Variants in KCNN3 observed in about 807,000 individuals in gnomAD.
KCNN3 encodes the protein potassium calcium-activated channel subfamily N member 3.
A neutral mutation model predicts 62.9 loss-of-function variants in KCNN3; 16 were observed. That is an observed-to-expected ratio of 0.25 (90% CI 0.17 to 0.39). KCNN3 has a LOEUF of 0.39. Among genes scored for constraint, KCNN3 ranks in the 10% least tolerant of loss-of-function variants. The pLI, the probability that KCNN3 is intolerant of heterozygous loss-of-function variation, is 1.00. For synonymous variants in KCNN3, 370 were observed against 389.2 expected, an observed-to-expected ratio of 0.95 and a Z score of 0.58; for missense variants, 599 against 949.4, an observed-to-expected ratio of 0.63 and a Z score of 4.85.
intron 1 of KCNN3, among the ~76,000 whole-genome samples, chr1:154,828,006 C>T (rs901898476): frequency 6.6e-6 from 1 of 152,116 alleles, no homozygotes; most frequent in African/African-American, 2.4e-5. Flanking sequence ...CCGGGAGAGA[C>T]AGCCGATGCT....
chr1:154,804,823 C>T (rs1650100948), intron 2 of KCNN3, among the ~76,000 whole-genome samples: 1 of 152,114 alleles, frequency 6.6e-6, no homozygotes, highest in African/African-American at 2.4e-5. Flanking sequence ...ATCGTTCACC[C>T]CAAGCTCAGT....
At chr1:154,777,024 G>A (rs1648819574) in intron 2 of KCNN3, among the ~76,000 whole-genome samples, 1 of 152,210 alleles carries the variant, frequency 6.6e-6, no homozygotes, top group Non-Finnish European at 1.5e-5. Context: ...GCCTAGCCCA[G>A]ATCTTAGCAC....
intron 5 of KCNN3, among the ~76,000 whole-genome samples, chr1:154,720,891 A>G (rs1487378805): frequency 1.2e-4 from 18 of 152,086 alleles, no homozygotes; most frequent in South Asian, 2.1e-4. Flanking sequence ...GTGAACAGCC[A>G]CGGCAAGGTG....
chr1:154,758,062 C>T (rs888986735), intron 3 of KCNN3, among the ~76,000 whole-genome samples: 4 of 152,178 alleles, frequency 2.6e-5, no homozygotes, highest in South Asian at 2.1e-4. Context: ...TTCTTTCGTG[C>T]GGACCCAGAG....
At chr1:154,770,581 A>T (rs1355722077) in intron 3 of KCNN3, among the ~76,000 whole-genome samples, 1 of 152,180 alleles carries the variant, frequency 6.6e-6, no homozygotes, top group East Asian at 1.9e-4. Context: ...ACCTCCCAAC[A>T]TAATAAAAAT....
At chr1:154,787,783 T>G (rs1282447587) in intron 2 of KCNN3, among the ~76,000 whole-genome samples, 1 of 152,188 alleles carries the variant, frequency 6.6e-6, no homozygotes, top group Non-Finnish European at 1.5e-5. Flanking sequence ...AACCCCCGTT[T>G]GGATATCCAG....
At chr1:154,768,482 A>G (rs1026914301) in intron 3 of KCNN3, among the ~76,000 whole-genome samples, 10 of 152,232 alleles carry the variant, frequency 6.6e-5, no homozygotes, top group African/African-American at 1.7e-4. Flanking sequence ...CTCAGGATCA[A>G]TACCTCTGGG....
chr1:154,779,639 G>A (rs1648938451), intron 2 of KCNN3, among the ~76,000 whole-genome samples: 1 of 152,196 alleles, frequency 6.6e-6, no homozygotes, highest in Non-Finnish European at 1.5e-5. Context: ...CTGAATCAGG[G>A]AACAAGGGCA....
intron 7 of KCNN3, among the ~76,000 whole-genome samples, chr1:154,709,412 C>T (rs1006095593): frequency 2.1e-4 from 32 of 151,988 alleles, no homozygotes; most frequent in African/African-American, 7.0e-4. Context: ...AGTGACACCC[C>T]GATCCTATTT....
intron 5 of KCNN3, among the ~76,000 whole-genome samples, chr1:154,720,942 G>A (rs1478552913): frequency 6.6e-6 from 1 of 152,212 alleles, no homozygotes; most frequent in Non-Finnish European, 1.5e-5. Flanking sequence ...GTGGGGTCCA[G>A]GGTCCAGAGG....
chr1:154,782,293 C>A (rs565874875), intron 2 of KCNN3, among the ~76,000 whole-genome samples: 8 of 152,282 alleles, frequency 5.3e-5, no homozygotes, highest in African/African-American at 1.9e-4. Flanking sequence ...AAATATGCAC[C>A]ACAGCTCGGG....
chr1:154,711,302 A>G (rs981066873), intron 7 of KCNN3, among the ~76,000 whole-genome samples: 33 of 133,088 alleles, frequency 2.5e-4, no homozygotes, highest in African/African-American at 9.1e-4. Flanking sequence ...ATGAGAACAC[A>G]TGGACACAGG....
chr1:154,722,387 T>A (rs898480809), intron 5 of KCNN3, among the ~76,000 whole-genome samples: 1 of 7,632 alleles, frequency 1.3e-4, no homozygotes, highest in African/African-American at 3.3e-4. Context: ...AGCTTAGCAT[T>A]TTTTTTTTTT....
intron 1 of KCNN3, among the ~76,000 whole-genome samples, chr1:154,831,079 T>C (rs1258380035): frequency 6.6e-6 from 1 of 152,248 alleles, no homozygotes; most frequent in Non-Finnish European, 1.5e-5. Context: ...AACTTTTTAT[T>C]ACATGTTTGC....
chr1:154,778,096 G>A (rs1433048681), intron 2 of KCNN3, among the ~76,000 whole-genome samples: 2 of 152,192 alleles, frequency 1.3e-5, no homozygotes, highest in African/African-American at 2.4e-5. Context: ...TCAGATAGTT[G>A]CTCTGTCCAG....
At chr1:154,728,968 C>A (rs955153910) in intron 4 of KCNN3, among the ~76,000 whole-genome samples, 2 of 152,180 alleles carry the variant, frequency 1.3e-5, no homozygotes, top group Middle Eastern at 3.2e-3. Flanking sequence ...TTGCCTGTCC[C>A]CTGGGTCCCC....
chr1:154,841,009 GCAGGCCTGCCCCTGCGGGGT>G (rs1199243586), intron 1 of KCNN3, among the ~76,000 whole-genome samples: 3 of 149,392 alleles, frequency 2.0e-5, no homozygotes, highest in Non-Finnish European at 4.5e-5. Context: ...GAGACCAGGG[GCAGGCCTGCCCCTGCGGGGT>G]CAGGCCCCGA....
At position 154,834,862 on chromosome 1, in the gene KCNN3, C is replaced by T. The variant is rs1651524108; in HGVS notation, c.934-12678G>A. On this transcript the variant is annotated intron_variant, in intron 1 of 7. Transcript: ENST00000271915. The stretch of plus-strand genomic sequence containing the variant: ...CCCAGGATTGGTAAGGACCGCAGCA[C>T]AGTCCCGGCTGAGACCTACACCCTG... 3.9e-5 allele frequency among the ~76,000 whole-genome samples: 6 copies of T among 151,962 alleles called. 1 individual carries two copies. Among genetic ancestry groups the T allele is most frequent in the Admixed American group, 3.9e-4 (6 of 15,262 alleles).
chr1:154,795,356 G>T (rs1207250482), intron 2 of KCNN3, among the ~76,000 whole-genome samples: 1 of 152,220 alleles, frequency 6.6e-6, no homozygotes, highest in African/African-American at 2.4e-5. Flanking sequence ...AAACATAAGA[G>T]CACACACAGG....
Sources: allele counts gnomAD v4.1 joint callset (sites outside exome capture counted in the v4.1 genomes callset), GRCh38; gene constraint gnomAD v4.1.1; transcripts MANE v1.5; gene names NCBI Gene and HGNC (gene_info 2026-07-23, HGNC 2026-07-21).